Variants in CFAP97 observed in about 807,000 individuals in gnomAD.
CFAP97 encodes cilia- and flagella-associated protein 97.
A neutral mutation model predicts 43.1 loss-of-function variants in CFAP97; 36 were observed. The observed-to-expected ratio is 0.84, with a 90% CI of 0.64 to 1.10. CFAP97 has a LOEUF of 1.10. Ranked by LOEUF, CFAP97 falls within the 50% of genes least tolerant of loss-of-function variation. The probability of loss-of-function intolerance (pLI) is 0.00; values close to 1 mark genes in which losing one functional copy is unlikely to be tolerated. For missense variants in CFAP97, 657 were observed against 620.3 expected, an observed-to-expected ratio of 1.06 and a Z score of -0.63; for synonymous variants, 228 against 225.7, an observed-to-expected ratio of 1.01 and a Z score of -0.09.
chr4:185,202,486 T>G (rs147114004), intron 1 of CFAP97, among the ~76,000 whole-genome samples: 586 of 151,784 alleles, frequency 3.9e-3, no homozygotes, highest in African/African-American at 0.014. Context: ...GAGCTGAGGC[T>G]GCAGTGAGCC....
chr4:185,176,011 G>A lies in CFAP97; in HGVS notation c.1095C>T (p.His365=). ...CGGGTGCTACTGAAGGCTGATCAAA[G>A]TGATGTTTTTGTGGTCCTTTTTTAT... ...QLDKKGPQKH[H]FDQPSVAPGK... is the part of the protein sequence containing the mutation. Residue 365 remains histidine (H), a synonymous_variant, in exon 3 of 5, where the codon CAC becomes CAT. Transcript: ENST00000458385. 1 of 1,608,800 alleles carries A rather than the reference G, an allele frequency of 6.2e-7. No homozygotes were observed. The highest frequency in any genetic ancestry group is 1.1e-5 in the South Asian group (1 of 90,062).
At chr4:185,181,808 T>C (rs1431362371) in intron 2 of CFAP97, among the ~76,000 whole-genome samples, 1 of 152,182 alleles carries the variant, frequency 6.6e-6, no homozygotes, top group African/African-American at 2.4e-5. Context: ...TTTCCTGCAG[T>C]TTGCCAGGAA....
chr4:185,201,727 A>G (rs1352730755), intron 1 of CFAP97, among the ~76,000 whole-genome samples: 2 of 152,200 alleles, frequency 1.3e-5, no homozygotes, highest in Non-Finnish European at 2.9e-5. Flanking sequence ...GCTTTATTCC[A>G]AGATTTAATT....
chr4:185,203,726 G>A (rs1051931508), intron 1 of CFAP97, 172 bp downstream of exon 1: 1 of 152,132 alleles, frequency 6.6e-6, no homozygotes. Flanking sequence ...CGCCGCCGCG[G>A]GCGCCCCTGT....
chr4:185,182,656 T>TA (rs1401235259), intron 2 of CFAP97: 7 of 152,250 alleles, frequency 4.6e-5, no homozygotes, highest in Admixed American at 3.9e-4. Flanking sequence ...CCCAGAAGCC[T>TA]AAGTTTTATT....
intron 2 of CFAP97, among the ~76,000 whole-genome samples, chr4:185,188,294 T>C (rs770518172): frequency 3.3e-5 from 5 of 151,942 alleles, no homozygotes; most frequent in African/African-American, 4.8e-5. Context: ...TAGCTGGGAT[T>C]ATAGGTATGT....
At chr4:185,191,834 CAACAAACAA>C (rs1478415074) in intron 1 of CFAP97, among the ~76,000 whole-genome samples, 1 of 151,096 alleles carries the variant, frequency 6.6e-6, no homozygotes, top group African/African-American at 2.5e-5. Flanking sequence ...ATCTCAACAA[CAACAAACAA>C]AAACAAAAAC....
At chr4:185,164,815 A>G (rs1735005183) in intron 3 of CFAP97, among the ~76,000 whole-genome samples, 1 of 152,246 alleles carries the variant, frequency 6.6e-6, no homozygotes, top group African/African-American at 2.4e-5. Context: ...TCTCATAGAC[A>G]TGATGTAATA....
At chr4:185,188,414 C>T (rs1387593134) in intron 2 of CFAP97, among the ~76,000 whole-genome samples, 1 of 151,802 alleles carries the variant, frequency 6.6e-6, no homozygotes, top group Non-Finnish European at 1.5e-5. Context: ...ACAATCTCAG[C>T]TCACTGCAAA....
At chr4:185,183,952 C>G (rs1735903759) in intron 2 of CFAP97, among the ~76,000 whole-genome samples, 1 of 152,084 alleles carries the variant, frequency 6.6e-6, no homozygotes, top group East Asian at 1.9e-4. Flanking sequence ...AATTGGGGAA[C>G]TGTTCAGGAG....
intron 2 of CFAP97, among the ~76,000 whole-genome samples, chr4:185,179,513 G>GTAA (rs1735698578): frequency 6.6e-6 from 1 of 152,062 alleles, no homozygotes; most frequent in African/African-American, 2.4e-5. Flanking sequence ...TGGAACACAC[G>GTAA]TGCTTAGAAT....
At chr4:185,170,859 C>T (rs1025104367) in intron 3 of CFAP97, among the ~76,000 whole-genome samples, 3 of 151,292 alleles carry the variant, frequency 2.0e-5, no homozygotes, top group Non-Finnish European at 4.4e-5. Flanking sequence ...GTGGCACAGG[C>T]CTGTGATCCC....
At chr4:185,202,147 A>G (rs1313989130) in intron 1 of CFAP97, among the ~76,000 whole-genome samples, 3 of 152,190 alleles carry the variant, frequency 2.0e-5, no homozygotes, top group Non-Finnish European at 4.4e-5. Context: ...TAGTCATTCA[A>G]AGAATGTTTA....
intron 3 of CFAP97, among the ~76,000 whole-genome samples, chr4:185,172,901 G>A (rs1387664271): frequency 2.0e-5 from 3 of 151,074 alleles, no homozygotes; most frequent in East Asian, 2.0e-4. Context: ...GAGCAAATGT[G>A]GCTCTTTTTA....
chr4:185,180,725 T>C (rs894636090), intron 2 of CFAP97, among the ~76,000 whole-genome samples: 1 of 152,148 alleles, frequency 6.6e-6, no homozygotes, highest in Non-Finnish European at 1.5e-5. Context: ...TGAAGTTTTG[T>C]TACTGTTTTT....
Position 185,190,398 on chromosome 4 carries a change from G to C in CFAP97, c.799C>G (p.Gln267Glu), listed in dbSNP as rs766143701. ...TTTGCTATGCCCAGTTCAAAAGACT[G>C]AAGAGGGCTAATGTCTGGAGTTGAT... ...PLSTPDISPL[Q>E]SFELGIANDQ... Residue 267 changes from glutamine to glutamate, a missense_variant, in exon 2 of 5, where the codon CAG becomes GAG. By Grantham distance (29) the Gln-to-Glu change is conservative. Coordinates refer to ENST00000458385, the MANE Select transcript of CFAP97 (RefSeq NM_020827.3). The C allele has an allele frequency of 1.2e-6, 2 of 1,612,530 alleles. No individual in the cohort carries two copies. The highest frequency in any genetic ancestry group is 1.7e-5 in the Admixed American group (1 of 59,740).
intron 2 of CFAP97, among the ~76,000 whole-genome samples, chr4:185,185,327 A>G (rs945276160): frequency 2.6e-5 from 4 of 152,210 alleles, no homozygotes; most frequent in Admixed American, 2.0e-4. Context: ...ATCAAGATAT[A>G]TGTTATTACA....
At chr4:185,189,301 T>C (rs1367205967) in intron 2 of CFAP97, among the ~76,000 whole-genome samples, 1 of 152,186 alleles carries the variant, frequency 6.6e-6, no homozygotes, top group Non-Finnish European at 1.5e-5. Flanking sequence ...AAATACACTG[T>C]CAATTTGACC....
At chr4:185,203,414 T>C (rs938038870) in intron 1 of CFAP97, among the ~76,000 whole-genome samples, 2 of 152,188 alleles carry the variant, frequency 1.3e-5, no homozygotes, top group Admixed American at 1.3e-4. Flanking sequence ...AACAGCACAG[T>C]AGGCCTCCAA....
Sources: gnomAD v4.1 joint callset for allele counts (sites outside exome capture counted in the v4.1 genomes callset) on GRCh38, gnomAD v4.1.1 for gene constraint, MANE v1.5 for transcripts, NCBI Gene and HGNC (gene_info 2026-07-23, HGNC 2026-07-21) for gene names.